DNAH7: variants seen among roughly 807,000 people sequenced by gnomAD.
DNAH7 encodes axonemal beta dynein heavy chain 7.
DNAH7 carries 397 observed loss-of-function variants against 444.6 expected under a neutral mutation model. The ratio of observed to expected loss-of-function variants is 0.89; its 90% CI spans 0.82 to 0.97. DNAH7 has a LOEUF of 0.97. Ranked by LOEUF, DNAH7 falls within the 50% of genes least tolerant of loss-of-function variation. The probability of loss-of-function intolerance (pLI) is 0.00; values close to 1 mark genes in which losing one functional copy is unlikely to be tolerated. For synonymous variants in DNAH7, 1,636 were observed against 1,624.4 expected, an observed-to-expected ratio of 1.01 and a Z score of -0.17; for missense variants, 4,902 against 4,800.8, an observed-to-expected ratio of 1.02 and a Z score of -0.62.
At position 195,888,246 on chromosome 2, in the gene DNAH7, C is replaced by A; in HGVS notation, c.5406+12G>T. On this transcript the variant is annotated intron_variant, in intron 33 of 64. Transcript: ENST00000312428. ...ATTTATTTTTTAATCTTAAAATTCTCATTTCCCTTACCTTTGTATGCTTTC... is the reference window on the plus strand; with the variant it reads ...ATTTATTTTTTAATCTTAAAATTCTAATTTCCCTTACCTTTGTATGCTTTC... 6.3e-7 allele frequency: 1 copy of A among 1,586,356 alleles called. No homozygotes were observed. Among genetic ancestry groups the A allele is most frequent in the Non-Finnish European group, 8.6e-7 (1 of 1,169,516 alleles).
chr2:196,019,174 A>G lies in DNAH7; in HGVS notation c.865T>C (p.Phe289Leu). The G allele has an allele frequency of 6.8e-7, 1 of 1,479,362 alleles. No individual in the cohort carries two copies. The allele number at this position is 1,479,362 out of a possible 1,614,324, so 91.6% of individuals were successfully genotyped here. Residue 289 changes from phenylalanine (F) to leucine (L), a missense_variant, in exon 9 of 65, where the codon TTT becomes CTT. By Grantham distance (22) the Phe-to-Leu change is conservative. Transcript: ENST00000312428. ...LAVLDLWHTN[F>L]KKLRLVDIKE... ...TATAAGGCCACATATACTCACTTAA[A>G]ATTAGTGTGCCACAAATCTAGTACA...
intron 58 of DNAH7, among the ~76,000 whole-genome samples, chr2:195,785,036 C>T (rs1044982982): frequency 1.3e-5 from 2 of 151,878 alleles, no homozygotes; most frequent in East Asian, 3.9e-4. Context: ...CTCAGCCTCC[C>T]GAGTAGCTGG....
At chr2:195,935,750 G>A (rs73987158) in intron 20 of DNAH7, among the ~76,000 whole-genome samples, 2,425 of 152,188 alleles carry the variant, frequency 0.016, 68 homozygotes, top group African/African-American at 0.055. Context: ...TGGTCAGGGA[G>A]GGCCTCCCTG....
chr2:195,783,284 T>C (rs1473550809), intron 58 of DNAH7, among the ~76,000 whole-genome samples: 2 of 152,244 alleles, frequency 1.3e-5, no homozygotes, highest in Non-Finnish European at 2.9e-5. Context: ...GTTATCATGA[T>C]AGTCTCCTGT....
Position 195,970,012 on chromosome 2 carries a change from T to A in DNAH7, c.2141A>T (p.Asp714Val). The A allele has an allele frequency of 6.2e-7, 1 of 1,612,790 alleles. No individual in the cohort carries two copies. Among genetic ancestry groups the A allele is most frequent in the Non-Finnish European group, 8.5e-7 (1 of 1,179,552 alleles). Residue 714 changes from aspartate (D) to valine (V), a missense_variant, in exon 17 of 65, where the codon GAT becomes GTT. By Grantham distance (152) the Asp-to-Val change is radical. Transcript: ENST00000312428. ...EEFYSFGDLQ[D>V]VQRYLKKAQI... ...AGCCTTTTTTAGGTACCGCTGAACA[T>A]CCTGAAGATCTCCAAATGAATAAAA... is the stretch of plus-strand genomic sequence containing the variant.
At chr2:195,738,183 G>C (rs751811911) in intron 64 of DNAH7, 56 bp from the exon 65 acceptor site, 17 of 1,477,612 alleles carry the variant, frequency 1.2e-5, no homozygotes, top group East Asian at 2.3e-5. Context: ...AAATGTACAT[G>C]TGTTTGAGCC....
At chr2:195,955,614 G>C in intron 19 of DNAH7, among the ~76,000 whole-genome samples, 1 of 152,030 alleles carries the variant, frequency 6.6e-6, no homozygotes, top group Non-Finnish European at 1.5e-5. Context: ...TGGTTTCATA[G>C]GATAAAAATT....
intron 58 of DNAH7, among the ~76,000 whole-genome samples, chr2:195,778,719 CATATATATAT>C (rs1235522747): frequency 2.1e-5 from 1 of 46,632 alleles, no homozygotes; most frequent in African/African-American, 6.3e-5. Context: ...TATATATACA[CATATATATAT>C]ACACATATAT....
intron 12 of DNAH7, chr2:195,994,485 T>C (rs1004050531): frequency 3.2e-5 from 16 of 495,294 alleles, no homozygotes; most frequent in Non-Finnish European, 5.5e-5. Flanking sequence ...CCAATCGCCA[T>C]GTCCTGTGTT....
In DNAH7 at chr2:195,794,481, A is replaced by T. The variant is rs201350909; in HGVS notation, c.10573T>A (p.Ser3525Thr). The change falls in exon 57 of 65, where the codon TCT becomes ACT. Residue 3525 changes from serine to threonine, a missense_variant. Physicochemically the swap from Ser to Thr is moderately conservative, Grantham distance 58 (BLOSUM62 1). Transcript: ENST00000312428. Reference sequence around the variant, plus strand: ...AGTACTGACACAGGGAAATTTGGAGATGGGTAACTCGTTAGCCACATTCGG... The same window carrying T: ...AGTACTGACACAGGGAAATTTGGAGTTGGGTAACTCGTTAGCCACATTCGG... ...DFRMWLTSYP[S>T]PNFPVSVLQN... is the part of the protein sequence containing the mutation. The T allele has an allele frequency of 1.1e-3, 1,822 of 1,614,170 alleles. 11 individuals carry two copies. Among genetic ancestry groups the T allele is most frequent in the South Asian group, 4.2e-3 (379 of 91,070 alleles).
chr2:195,922,806 A>G (rs1163647076), intron 23 of DNAH7, among the ~76,000 whole-genome samples: 4 of 151,252 alleles, frequency 2.6e-5, no homozygotes, highest in African/African-American at 4.9e-5. Flanking sequence ...ATCACCATCC[A>G]CCTGGATGCC....
At chr2:195,983,588 C>A (rs528507345) in intron 15 of DNAH7, among the ~76,000 whole-genome samples, 1 of 152,242 alleles carries the variant, frequency 6.6e-6, no homozygotes, top group African/African-American at 2.4e-5. Context: ...AGGGATCCAC[C>A]AAAAACCTCC....
intron 14 of DNAH7, among the ~76,000 whole-genome samples, chr2:195,985,812 T>C (rs1007569951): frequency 6.6e-6 from 1 of 152,168 alleles, no homozygotes; most frequent in Non-Finnish European, 1.5e-5. Context: ...CTTCTAGTTC[T>C]TTTACAGGAA....
chr2:195,791,061 T>C (rs879190517), intron 57 of DNAH7, among the ~76,000 whole-genome samples: 2 of 152,110 alleles, frequency 1.3e-5, no homozygotes, highest in South Asian at 2.1e-4. Flanking sequence ...AAAGAAGACT[T>C]ACAAGTGGCC....
At chr2:195,870,987 A>G (rs984547207) in intron 40 of DNAH7, among the ~76,000 whole-genome samples, 1 of 152,098 alleles carries the variant, frequency 6.6e-6, no homozygotes, top group African/African-American at 2.4e-5. Context: ...GTGGCCCCCA[A>G]ACACAAGCCT....
intron 19 of DNAH7, among the ~76,000 whole-genome samples, chr2:195,951,179 GC>G (rs1297396166): frequency 6.6e-6 from 1 of 152,032 alleles, no homozygotes; most frequent in African/African-American, 2.4e-5. Flanking sequence ...ATTTATTTCT[GC>G]CTTAATTTAG....
chr2:196,059,306 T>C, intron 1 of DNAH7, among the ~76,000 whole-genome samples: 1 of 152,236 alleles, frequency 6.6e-6, no homozygotes, highest in Non-Finnish European at 1.5e-5. Context: ...CAGTAGAGAA[T>C]AATTCCATGG....
intron 21 of DNAH7, among the ~76,000 whole-genome samples, chr2:195,933,749 T>G (rs1200068829): frequency 8.8e-5 from 4 of 45,490 alleles, no homozygotes; most frequent in Non-Finnish European, 1.2e-4. Context: ...GGGCCTGTTG[T>G]GGGGTGGGGG....
intron 54 of DNAH7, among the ~76,000 whole-genome samples, chr2:195,801,498 T>C (rs1315151162): frequency 2.0e-5 from 3 of 152,094 alleles, no homozygotes; most frequent in South Asian, 4.2e-4. Flanking sequence ...GAAGGAGTAA[T>C]GGAAAGATTT....
Sources: allele counts gnomAD v4.1 joint callset (sites outside exome capture counted in the v4.1 genomes callset), GRCh38; gene constraint gnomAD v4.1.1; transcripts MANE v1.5; gene names NCBI Gene and HGNC (gene_info 2026-07-23, HGNC 2026-07-21).